The following DENND4C variants were observed in gnomAD, a reference collection of about 807,000 sequenced individuals.
The protein encoded by DENND4C is DENN domain-containing protein 4C.
A neutral mutation model predicts 203.0 loss-of-function variants in DENND4C; 108 were observed. The ratio of observed to expected loss-of-function variants is 0.53; its 90% CI spans 0.46 to 0.62. The LOEUF (loss-of-function observed/expected upper bound fraction) is 0.62, where lower values mean the gene tolerates loss of function less well. Among genes scored for constraint, DENND4C ranks in the 20% least tolerant of loss-of-function variants. DENND4C has a pLI of 0.00. For missense variants in DENND4C, 2,481 were observed against 2,301.2 expected (o/e 1.08, Z -1.60); for synonymous variants, 871 against 792.4 (o/e 1.10, Z -1.67).
chr9:19,320,243 A>G (rs1290431752), intron 12 of DENND4C, among the ~76,000 whole-genome samples: 2 of 151,410 alleles, frequency 1.3e-5, no homozygotes, highest in African/African-American at 4.9e-5. Context: ...TGTGTTGCCC[A>G]GGTGGAATGT....
intron 5 of DENND4C, among the ~76,000 whole-genome samples, chr9:19,295,573 G>C (rs1448347926): frequency 6.6e-6 from 1 of 151,542 alleles, no homozygotes; most frequent in Non-Finnish European, 1.5e-5. Context: ...TACTCGGGAG[G>C]CTGAAGCAGT....
chr9:19,291,202 C>A, intron 5 of DENND4C: 1 of 185,402 alleles, frequency 5.4e-6, no homozygotes, highest in Admixed American at 5.6e-5. Context: ...CAGGGTTAGA[C>A]CCTCAAGACA....
chr9:19,312,825 C>G (rs1358719297), intron 10 of DENND4C, among the ~76,000 whole-genome samples: 1 of 152,124 alleles, frequency 6.6e-6, no homozygotes, highest in African/African-American at 2.4e-5. Flanking sequence ...CACTGATGCT[C>G]TTTTTGTTAG....
chr9:19,299,196 C>A, intron 7 of DENND4C, 33 bp from the exon 8 acceptor site: 1 of 1,467,494 alleles, frequency 6.8e-7, no homozygotes, highest in Non-Finnish European at 9.1e-7. Context: ...GTTAATTTAT[C>A]TTTGGTTAAT....
chr9:19,270,828 A>C (rs1437487902), intron 1 of DENND4C, among the ~76,000 whole-genome samples: 1 of 152,260 alleles, frequency 6.6e-6, no homozygotes, highest in Non-Finnish European at 1.5e-5. Context: ...CATTATGTGG[A>C]AAGTCTGATA....
At chr9:19,342,807 T>C in intron 22 of DENND4C, 28 bp downstream of exon 22, 2 of 1,528,644 alleles carry the variant, frequency 1.3e-6, no homozygotes, top group Non-Finnish European at 1.8e-6. Context: ...GGTTATTAAA[T>C]ATTTAAAATA....
intron 1 of DENND4C, among the ~76,000 whole-genome samples, chr9:19,248,493 G>A (rs183062717): frequency 3.9e-5 from 6 of 152,040 alleles, no homozygotes; most frequent in Non-Finnish European, 8.8e-5. Context: ...GGGTTCAAGC[G>A]ATTCTCCTGC....
chr9:19,274,955 C>G (rs370079890), intron 1 of DENND4C, among the ~76,000 whole-genome samples: 4 of 152,144 alleles, frequency 2.6e-5, no homozygotes, highest in African/African-American at 9.7e-5. Context: ...AAGGAAAATA[C>G]CGTAGTCCAC....
intron 2 of DENND4C, among the ~76,000 whole-genome samples, chr9:19,277,865 A>G (rs1225772206): frequency 6.6e-6 from 1 of 152,136 alleles, no homozygotes; most frequent in Non-Finnish European, 1.5e-5. Context: ...TTTATCAGGA[A>G]AGTGTGTTAA....
chr9:19,286,892 T>A lies in DENND4C; in HGVS notation c.429T>A (p.Tyr143Ter). The A allele has an allele frequency of 8.1e-7, 1 of 1,232,168 alleles. No homozygotes were observed. The highest frequency in any genetic ancestry group is 1.0e-6 in the Non-Finnish European group (1 of 987,976). The allele number at this position is 1,232,168 out of a possible 1,614,324, so 76.3% of individuals were successfully genotyped here. ...STTSQRIFIT[Y>*]RRAPPVRPQN... is the part of the protein sequence containing the mutation. Reference sequence around the variant, plus strand: ...CTTCACAAAGAATCTTTATCACTTATCGAAGGGCTCCTCCAGTTCGACCCC... The same window carrying A: ...CTTCACAAAGAATCTTTATCACTTAACGAAGGGCTCCTCCAGTTCGACCCC... Residue 143 changes from tyrosine (Y) to a stop codon, truncating the protein, a stop_gained, in exon 3 of 33, where the codon TAT becomes TAA. Coordinates refer to ENST00000434457, the MANE Select transcript of DENND4C (RefSeq NM_001330640.2). LOFTEE classifies it high-confidence loss of function.
At chr9:19,276,742 T>A (rs146935400) in intron 2 of DENND4C, 79 of 255,232 alleles carry the variant, frequency 3.1e-4, no homozygotes, top group African/African-American at 1.3e-3. Context: ...CCCTAAAGTG[T>A]CATTTTGTTT....
chr9:19,355,708 T>C (rs1477481101), intron 26 of DENND4C, among the ~76,000 whole-genome samples: 1 of 152,150 alleles, frequency 6.6e-6, no homozygotes, highest in Non-Finnish European at 1.5e-5. Flanking sequence ...CACTCTTGGA[T>C]TGTATTGTTA....
Position 19,336,326 on chromosome 9 carries a change from G to T in DENND4C, c.2646G>T (p.Thr882=). ...CCCGCAGTGGTATTTTCTTATGGAC[G>T]AAGGTACGGAATGTGGTACGTGGCT... The part of the protein sequence containing the change: ...SSTRSGIFLW[T]KVRNVVRGLA... The change falls in exon 19 of 33, where the codon ACG becomes ACT. Residue 882 remains threonine (T), a synonymous_variant. Transcript: ENST00000434457. The T allele has an allele frequency of 1.2e-6, 2 of 1,614,040 alleles. No individual in the cohort carries two copies. Among genetic ancestry groups the T allele is most frequent in the African/African-American group, 1.3e-5 (1 of 75,036 alleles).
Position 19,290,823 on chromosome 9 carries a change from T to A in DENND4C, c.748T>A (p.Tyr250Asn). Reference protein sequence around the residue: ...TIECWDPETKYPLPVFSTFVL... With the variant: ...TIECWDPETKNPLPVFSTFVL... ...TGAGTGCTGGGATCCTGAAACCAAA[T>A]ATCCACTTCCAGTTTTTTCAACTTT... The change falls in exon 5 of 33, where the codon TAT (tyrosine) becomes AAT (asparagine). Residue 250 changes from tyrosine to asparagine, a missense_variant. This residue lies in a region of DENND4C where 2,289 missense variants were observed against 2,113.3 expected (regional missense o/e 1.08). Transcript: ENST00000434457. 6.2e-7 allele frequency: 1 copy of A among 1,613,674 alleles called. No individual in the cohort carries two copies. The highest frequency in any genetic ancestry group is 1.1e-5 in the South Asian group (1 of 91,056).
intron 1 of DENND4C, among the ~76,000 whole-genome samples, chr9:19,261,517 T>C (rs73425094): frequency 6.6e-6 from 1 of 151,790 alleles, no homozygotes; most frequent in African/African-American, 2.4e-5. Flanking sequence ...TTTCCTTTTT[T>C]TTGGAGATAG....
In DENND4C at chr9:19,328,170, A is replaced by G; in HGVS notation, c.2253+8A>G. 1 of 1,599,784 alleles carries G rather than the reference A, an allele frequency of 6.3e-7. No homozygotes were observed. The highest frequency in any genetic ancestry group is 1.1e-5 in the South Asian group (1 of 88,004). ...GCTAAGAGAACTAAACAGGTCAGATATTCTTTATCTAATACATGTTCATTT... is the reference window on the plus strand; with the variant it reads ...GCTAAGAGAACTAAACAGGTCAGATGTTCTTTATCTAATACATGTTCATTT... On this transcript the variant is annotated splice_region_variant and intron_variant, in intron 16 of 32. Transcript: ENST00000434457.
chr9:19,364,916 A>C (rs1275316239), intron 30 of DENND4C, among the ~76,000 whole-genome samples: 1 of 151,604 alleles, frequency 6.6e-6, no homozygotes, highest in Non-Finnish European at 1.5e-5. Context: ...AAAACGAAAA[A>C]AAAAGAAATT....
intron 1 of DENND4C, among the ~76,000 whole-genome samples, chr9:19,270,903 A>G (rs553953954): frequency 6.6e-6 from 1 of 152,360 alleles, no homozygotes; most frequent in Admixed American, 6.5e-5. Context: ...TGAGATCAAT[A>G]TGTAAAAATC....
intron 17 of DENND4C, among the ~76,000 whole-genome samples, chr9:19,333,783 A>T (rs1415067522): frequency 2.6e-5 from 4 of 152,182 alleles, no homozygotes; most frequent in Non-Finnish European, 5.9e-5. Flanking sequence ...GCTTTTTCCA[A>T]TGCTGTTTTT....
Sources: allele counts gnomAD v4.1 joint callset (sites outside exome capture counted in the v4.1 genomes callset), GRCh38; gene constraint gnomAD v4.1.1; regional missense constraint gnomAD v4.1.1; transcripts MANE v1.5; gene names NCBI Gene and HGNC (gene_info 2026-07-23, HGNC 2026-07-21).